Variants in ROBO2 observed in about 807,000 individuals in gnomAD.
ROBO2 encodes roundabout homolog 2.
A neutral mutation model predicts 160.8 loss-of-function variants in ROBO2; 53 were observed. The ratio of observed to expected loss-of-function variants is 0.33; its 90% CI spans 0.26 to 0.41. The LOEUF is 0.41. ROBO2 is among the 10% of genes least tolerant of loss of function. The pLI is 1.00. For missense variants in ROBO2, 1,577 were observed against 1,722.4 expected, an observed-to-expected ratio of 0.92 and a Z score of 1.49; for synonymous variants, 664 against 611.7, an observed-to-expected ratio of 1.09 and a Z score of -1.26.
chr3:76,402,346 G>A (rs1234210235), intron 2 of ROBO2, among the ~76,000 whole-genome samples: 5 of 151,474 alleles, frequency 3.3e-5, no homozygotes, highest in African/African-American at 7.3e-5. Context: ...GATGCTTGAC[G>A]ACATTTCTGT....
chr3:77,284,094 T>C (rs1227754525), intron 2 of ROBO2, among the ~76,000 whole-genome samples: 1 of 152,174 alleles, frequency 6.6e-6, no homozygotes, highest in Non-Finnish European at 1.5e-5. Context: ...AATCTGACCT[T>C]GTACCTGTTT....
At chr3:77,199,692 C>T (rs1003574992) in intron 2 of ROBO2, among the ~76,000 whole-genome samples, 23 of 145,276 alleles carry the variant, frequency 1.6e-4, no homozygotes, top group African/African-American at 6.0e-4. Context: ...GGTACAATTA[C>T]GGCCCACTGC....
chr3:76,774,385 T>C (rs944827286), intron 2 of ROBO2, among the ~76,000 whole-genome samples: 4 of 150,970 alleles, frequency 2.6e-5, no homozygotes, highest in African/African-American at 9.7e-5. Flanking sequence ...AGATCCTATC[T>C]GGTAACTTTC....
At chr3:76,270,923 A>T (rs1000834457) in intron 2 of ROBO2, among the ~76,000 whole-genome samples, 1 of 152,122 alleles carries the variant, frequency 6.6e-6, no homozygotes, top group African/African-American at 2.4e-5. Flanking sequence ...TGAACTGGAA[A>T]TAATAGCAAG....
chr3:76,123,746 C>T (rs2070848611), intron 2 of ROBO2, among the ~76,000 whole-genome samples: 1 of 152,028 alleles, frequency 6.6e-6, no homozygotes, highest in Non-Finnish European at 1.5e-5. Flanking sequence ...TTCTAATGTA[C>T]TTGGTGCTTA....
At chr3:76,663,210 A>G (rs1052217957) in intron 2 of ROBO2, among the ~76,000 whole-genome samples, 2 of 152,186 alleles carry the variant, frequency 1.3e-5, no homozygotes, top group African/African-American at 4.8e-5. Context: ...TCTCTTGGGA[A>G]ACCGACTGAG....
At chr3:76,320,221 A>T (rs963377836) in intron 2 of ROBO2, among the ~76,000 whole-genome samples, 19 of 152,174 alleles carry the variant, frequency 1.2e-4, no homozygotes, top group Admixed American at 1.0e-3. Flanking sequence ...AATAATATTT[A>T]TTTGAATGAC....
chr3:75,979,194 A>C (rs553481653), intron 2 of ROBO2, among the ~76,000 whole-genome samples: 1 of 151,596 alleles, frequency 6.6e-6, no homozygotes, highest in African/African-American at 2.4e-5. Context: ...AAGTTATGGC[A>C]GTGATAACTA....
At chr3:77,548,546 T>C (rs2092791452) in intron 7 of ROBO2, among the ~76,000 whole-genome samples, 1 of 152,058 alleles carries the variant, frequency 6.6e-6, no homozygotes, top group Admixed American at 6.6e-5. Flanking sequence ...ATAAAATGTG[T>C]ATTGGCCTTG....
At chr3:77,127,245 G>A (rs1269497236) in intron 2 of ROBO2, among the ~76,000 whole-genome samples, 1 of 151,984 alleles carries the variant, frequency 6.6e-6, no homozygotes, top group African/African-American at 2.4e-5. Flanking sequence ...TGACAGTCCG[G>A]TGCTATGCTT....
At chr3:76,894,022 T>A (rs888064992) in intron 2 of ROBO2, among the ~76,000 whole-genome samples, 1 of 152,142 alleles carries the variant, frequency 6.6e-6, no homozygotes, top group African/African-American at 2.4e-5. Context: ...ATGGAAAAGT[T>A]TGCTCTTTCA....
rs41397747 is a variant in ROBO2 at position 76,240,060 on chromosome 3, G to A, written c.109+302458G>A. Among the ~76,000 whole-genome samples, 569 of 152,226 alleles carry A rather than the reference G, an allele frequency of 3.7e-3. 7 individuals carry two copies. Among genetic ancestry groups the A allele is most frequent in the Admixed American group, 0.025 (377 of 15,296 alleles). On this transcript the variant is annotated intron_variant, in intron 2 of 26. Transcript: ENST00000487694. ...AGTGTGATCAGGCAGAGCACAGGCC[G>A]TTCTAGACATGAAGCTCTGTGTTTC...
chr3:76,185,936 ATT>A (rs11369944), intron 2 of ROBO2, among the ~76,000 whole-genome samples: 10 of 143,744 alleles, frequency 7.0e-5, no homozygotes, highest in Middle Eastern at 3.6e-3. Context: ...GGAAACACAG[ATT>A]TTTTTTTTTT....
chr3:76,171,595 T>C lies in ROBO2; in HGVS notation c.109+233993T>C, dbSNP rs557633725. ...GTAGATTATGGAGTATGTCCTCATT[T>C]ATTTTTCCTCTTTTTTCTCTCCGAG... On this transcript the variant is annotated intron_variant, in intron 2 of 26. Transcript: ENST00000487694. 5.3e-5 allele frequency among the ~76,000 whole-genome samples: 8 copies of C among 152,266 alleles called. 1 individual carries two copies. Among genetic ancestry groups the C allele is most frequent in the African/African-American group, 1.4e-4 (6 of 41,558 alleles).
chr3:77,649,582 T>G lies in ROBO2; in HGVS notation c.*3527T>G, dbSNP rs1334906799. 4 of 152,338 alleles carry G rather than the reference T, an allele frequency of 2.6e-5. No individual in the cohort carries two copies. In the Middle Eastern group the frequency reaches 0.01, roughly 389 times the overall value. 9.4% of individuals were successfully genotyped at this position (152,338 alleles called of 1,614,324 possible). On this transcript the variant is annotated 3_prime_UTR_variant, in exon 26 of 26. Transcript: ENST00000461745. ...TCTAAAGCAACATGTCTTTCCACAT[T>G]ATTTTAGAGGTGAAATTACTTTTGT...
At chr3:77,061,543 G>A (rs1029923047) in intron 1 of ROBO2, among the ~76,000 whole-genome samples, 1 of 152,174 alleles carries the variant, frequency 6.6e-6, no homozygotes, top group African/African-American at 2.4e-5. Context: ...ATCAGTAACG[G>A]ATTCATCTTC....
intron 25 of ROBO2, among the ~76,000 whole-genome samples, chr3:77,645,139 T>C (rs925949365): frequency 1.3e-5 from 2 of 152,226 alleles, no homozygotes; most frequent in African/African-American, 4.8e-5. Flanking sequence ...AAAATTGTTT[T>C]AAGTTAGGCA....
intron 2 of ROBO2, among the ~76,000 whole-genome samples, chr3:77,405,440 C>T (rs142144275): frequency 2.1e-4 from 32 of 152,074 alleles, no homozygotes; most frequent in Middle Eastern, 3.4e-3. Context: ...TCATATCTAT[C>T]TTCATATTCT....
intron 2 of ROBO2, among the ~76,000 whole-genome samples, chr3:76,037,499 CCCT>C (rs1445318496): frequency 1.3e-5 from 2 of 151,840 alleles, no homozygotes; most frequent in African/African-American, 4.9e-5. Context: ...TCGTGATCTG[CCCT>C]CCTCGGACTC....
Sources: gnomAD v4.1 joint callset for allele counts (sites outside exome capture counted in the v4.1 genomes callset) on GRCh38, gnomAD v4.1.1 for gene constraint, MANE v1.5 for transcripts, NCBI Gene and HGNC (gene_info 2026-07-23, HGNC 2026-07-21) for gene names.